PANX1: variants seen among roughly 807,000 people sequenced by gnomAD.
The protein encoded by PANX1 is pannexin-1.
Under a neutral mutation model 38.7 loss-of-function variants are expected in PANX1, and 30 were observed. That is an observed-to-expected ratio of 0.78 (90% CI 0.58 to 1.05). The LOEUF (loss-of-function observed/expected upper bound fraction) is 1.05. PANX1 is among the 50% of genes least tolerant of loss of function. The pLI is 0.00. For synonymous variants in PANX1, 230 were observed against 212.2 expected, an observed-to-expected ratio of 1.08 and a Z score of -0.73; for missense variants, 551 against 517.2, an observed-to-expected ratio of 1.07 and a Z score of -0.63.
chr11:94,166,747 T>C (rs1947104581), intron 2 of PANX1, among the ~76,000 whole-genome samples: 1 of 152,178 alleles, frequency 6.6e-6, no homozygotes, highest in South Asian at 2.1e-4. Flanking sequence ...GATATCTAAG[T>C]TGCAAGACAG....
intron 1 of PANX1, among the ~76,000 whole-genome samples, chr11:94,146,138 T>C (rs1371992480): frequency 6.6e-6 from 1 of 152,098 alleles, no homozygotes. Context: ...TCCATGGGAC[T>C]GCTCAGGAAC....
chr11:94,152,048 C>T (rs1207670962), intron 1 of PANX1, among the ~76,000 whole-genome samples: 1 of 137,264 alleles, frequency 7.3e-6, no homozygotes, highest in South Asian at 2.1e-4. Context: ...AGATGAGTGT[C>T]GAGGCCTTTT....
intron 1 of PANX1, among the ~76,000 whole-genome samples, chr11:94,148,468 T>A (rs1032195071): frequency 1.3e-5 from 2 of 152,172 alleles, no homozygotes; most frequent in Admixed American, 1.3e-4. Flanking sequence ...TCCTTCTGAG[T>A]GCTTGTTGGT....
chr11:94,134,109 C>T (rs754301681), intron 1 of PANX1, among the ~76,000 whole-genome samples: 1 of 152,180 alleles, frequency 6.6e-6, no homozygotes, highest in African/African-American at 2.4e-5. Flanking sequence ...ATTGCGTGTG[C>T]CTCAGATTCT....
intron 2 of PANX1, among the ~76,000 whole-genome samples, chr11:94,162,521 C>T (rs142918693): frequency 3.1e-4 from 47 of 152,292 alleles, no homozygotes; most frequent in African/African-American, 1.0e-3. Flanking sequence ...CCGAGCCAGG[C>T]GCTGGATATA....
intron 2 of PANX1, among the ~76,000 whole-genome samples, chr11:94,164,950 G>T (rs1276332018): frequency 6.6e-6 from 1 of 152,008 alleles, no homozygotes; most frequent in South Asian, 2.1e-4. Flanking sequence ...TCTTTTTACA[G>T]TTTCTGTATT....
chr11:94,178,656 C>G (rs113656665), intron 3 of PANX1, 64 bp downstream of exon 3: 4 of 1,248,378 alleles, frequency 3.2e-6, no homozygotes, highest in African/African-American at 1.5e-5. Flanking sequence ...CCTTCTACTG[C>G]CAGTCTGGGC....
At chr11:94,139,674 G>C (rs1946738338) in intron 1 of PANX1, among the ~76,000 whole-genome samples, 1 of 152,128 alleles carries the variant, frequency 6.6e-6, no homozygotes. Context: ...AGCCTGAGTT[G>C]ATCACTAGTG....
chr11:94,178,048 C>G (rs562574296), intron 2 of PANX1, among the ~76,000 whole-genome samples: 2 of 148,278 alleles, frequency 1.3e-5, no homozygotes, highest in Admixed American at 1.3e-4. Context: ...GGTTTCTTAA[C>G]TGGGATTTTG....
intron 2 of PANX1, among the ~76,000 whole-genome samples, chr11:94,161,339 C>G (rs1474816230): frequency 1.3e-5 from 2 of 152,246 alleles, no homozygotes; most frequent in African/African-American, 4.8e-5. Context: ...TGGTTCCATT[C>G]TCCCTGTCAC....
At chr11:94,174,561 G>GT (rs1206057124) in intron 2 of PANX1, among the ~76,000 whole-genome samples, 6 of 151,566 alleles carry the variant, frequency 4.0e-5, no homozygotes, top group Non-Finnish European at 8.8e-5. Context: ...TCAGTGCTTA[G>GT]TACCTACATG....
At chr11:94,150,897 C>A (rs759506801) in intron 1 of PANX1, among the ~76,000 whole-genome samples, 3 of 152,108 alleles carry the variant, frequency 2.0e-5, no homozygotes, top group Admixed American at 1.3e-4. Flanking sequence ...AAGCCCTGGT[C>A]CCCAGGAGCT....
chr11:94,174,039 G>T (rs1485981467), intron 2 of PANX1, among the ~76,000 whole-genome samples: 1 of 151,392 alleles, frequency 6.6e-6, no homozygotes, highest in Non-Finnish European at 1.5e-5. Context: ...GGTGGTAGAT[G>T]CATCACTCCA....
At chr11:94,162,486 C>T (rs891828903) in intron 2 of PANX1, among the ~76,000 whole-genome samples, 6 of 152,194 alleles carry the variant, frequency 3.9e-5, no homozygotes, top group East Asian at 3.9e-4. Flanking sequence ...TAGCAATGAG[C>T]GAGGCTCCGT....
chr11:94,144,721 G>A (rs1469322677), intron 1 of PANX1, among the ~76,000 whole-genome samples: 2 of 152,128 alleles, frequency 1.3e-5, no homozygotes, highest in Non-Finnish European at 2.9e-5. Flanking sequence ...TCCATGGCCT[G>A]TCTGCACCTT....
intron 2 of PANX1, among the ~76,000 whole-genome samples, chr11:94,166,459 A>G (rs546104241): frequency 1.3e-5 from 2 of 152,216 alleles, no homozygotes; most frequent in East Asian, 1.9e-4. Flanking sequence ...TTTTTCCTTT[A>G]GTGCTTTGAA....
chr11:94,173,069 C>T (rs750660658), intron 2 of PANX1, among the ~76,000 whole-genome samples: 8 of 151,712 alleles, frequency 5.3e-5, no homozygotes, highest in African/African-American at 9.8e-5. Flanking sequence ...TCTTGACTCC[C>T]GCTGTCTAGG....
At chr11:94,179,058 TAAG>T (rs1460982464) in intron 3 of PANX1, among the ~76,000 whole-genome samples, 7 of 152,316 alleles carry the variant, frequency 4.6e-5, no homozygotes, top group South Asian at 2.1e-4. Flanking sequence ...GGAATAATAA[TAAG>T]AGCCATCATT....
chr11:94,158,944 A>C (rs1946987685), intron 2 of PANX1, among the ~76,000 whole-genome samples: 1 of 152,294 alleles, frequency 6.6e-6, no homozygotes, highest in Middle Eastern at 3.4e-3. Context: ...ATTTATTGAG[A>C]GTTTCTAGCA....
Sources: gnomAD v4.1 joint callset for allele counts (sites outside exome capture counted in the v4.1 genomes callset) on GRCh38, gnomAD v4.1.1 for gene constraint, MANE v1.5 for transcripts, NCBI Gene and HGNC (gene_info 2026-07-23, HGNC 2026-07-21) for gene names.